ANKRD13D: variants seen among roughly 807,000 people sequenced by gnomAD.
ANKRD13D encodes the protein ankyrin repeat domain-containing protein 13D.
A neutral mutation model predicts 68.8 loss-of-function variants in ANKRD13D; 24 were observed. The ratio of observed to expected loss-of-function variants is 0.35; its 90% confidence interval spans 0.25 to 0.49. The LOEUF is 0.49. Among genes scored for constraint, ANKRD13D ranks in the 20% least tolerant of loss-of-function variants. The pLI is 0.99. For synonymous variants in ANKRD13D, 331 were observed against 336.1 expected, an observed-to-expected ratio of 0.98 and a Z score of 0.16; for missense variants, 735 against 832.1, an observed-to-expected ratio of 0.88 and a Z score of 1.44.
Position 67,292,167 on chromosome 11 carries a change from G to C in ANKRD13D, c.718G>C (p.Val240Leu), listed in dbSNP as rs1345783066. The change falls in exon 6 of 15, where the codon GTG becomes CTG. Residue 240 changes from valine (V) to leucine (L), a missense_variant. By Grantham distance (32) the Val-to-Leu change is conservative. Coordinates refer to ENST00000511455, the MANE Select transcript of ANKRD13D (RefSeq NM_207354.3). Reference protein sequence around the residue: ...IVSTHLDTRNVAFERNKCGIW... With the variant: ...IVSTHLDTRNLAFERNKCGIW... ...CTCCACCCACCTGGACACTCGTAAT[G>C]TGGCCTTTGAGAGGTCGGTCGGGTC... 1.3e-6 allele frequency: 2 copies of C among 1,593,186 alleles called. No individual in the cohort carries two copies. Among genetic ancestry groups the C allele is most frequent in the Non-Finnish European group, 1.7e-6 (2 of 1,164,116 alleles).
At chr11:67,290,550 C>T in intron 3 of ANKRD13D, 104 bp downstream of exon 3, 1 of 1,446,278 alleles carries the variant, frequency 6.9e-7, no homozygotes, top group Non-Finnish European at 9.2e-7. Flanking sequence ...GTGCAGTGTG[C>T]CTCCTGCCAC....
rs1171468950 is a variant in ANKRD13D at position 67,301,421 on chromosome 11, G to A, written c.1348+23G>A. ...CAGGTACCCCAACGGGAGGAAGAGG[G>A]AGCCTGCACAGCTTTCTGGTCACCA... On this transcript the variant is annotated intron_variant, in intron 12 of 14. Coordinates refer to ENST00000511455, the MANE Select transcript of ANKRD13D (RefSeq NM_207354.3). The surrounding 1 kb of genome is among the most constrained non-coding windows in gnomAD (Gnocchi z 4.5). 2.5e-6 allele frequency: 4 copies of A among 1,608,080 alleles called. No homozygotes were observed. The highest frequency in any genetic ancestry group is 3.4e-6 in the Non-Finnish European group (4 of 1,176,900).
At position 67,299,828 on chromosome 11, in the gene ANKRD13D, G is replaced by T. The variant is rs775224889; in HGVS notation, c.882G>T (p.Ala294=). The T allele has an allele frequency of 2.0e-6, 3 of 1,533,786 alleles. No homozygotes were observed. The highest frequency in any genetic ancestry group is 1.3e-5 in the South Asian group (1 of 78,670). ...CCAGCTCCCACCCCTTCTCCGTAGC[G>T]GGGAAGACTCCATTCCAGTCCTTCC... ...LSDQDKSRSK[A]GKTPFQSFLG... is the part of the protein sequence containing the mutation. Residue 294 remains alanine (A), a splice_region_variant and synonymous_variant, in exon 9 of 15, where the codon GCG becomes GCT. Transcript: ENST00000511455. This position sits in a 1 kb window ranked among gnomAD's most constrained non-coding sequence, Gnocchi z 6.2.
At position 67,291,694 on chromosome 11, in the gene ANKRD13D, C is replaced by T. The variant is rs760281463; in HGVS notation, c.489C>T (p.Phe163=). 25 of 1,613,994 alleles carry T rather than the reference C, an allele frequency of 1.5e-5. No homozygotes were observed. The Middle Eastern group carries it at 8.2e-4, about 53-fold the overall frequency. ...SLRVDTSLLG[F]EHMTWQRGRR... ...GAGTAGACACCAGTCTCCTGGGCTT[C>T]GAGCACATGACCTGGCAGCGGGGCC... Residue 163 remains phenylalanine (F), a synonymous_variant, in exon 5 of 15, where the codon TTC becomes TTT. Transcript: ENST00000511455.
rs745876616 is a variant in ANKRD13D at position 67,301,572 on chromosome 11, C to G, written c.1433C>G (p.Pro478Arg). The G allele has an allele frequency of 5.0e-6, 8 of 1,612,986 alleles. 1 individual carries two copies. The South Asian group carries it at 8.8e-5, about 18-fold the overall frequency. The change falls in exon 13 of 15, where the codon CCC (proline) becomes CGC (arginine). Residue 478 changes from proline to arginine, a missense_variant. Coordinates refer to ENST00000511455, the MANE Select transcript of ANKRD13D (RefSeq NM_207354.3). This position sits in a 1 kb window ranked among gnomAD's most constrained non-coding sequence, Gnocchi z 4.5. Reference protein sequence around the residue: ...YSVLGMERNEPLRDEDDDLLQ... With the variant: ...YSVLGMERNERLRDEDDDLLQ... ...GTGCTGGGCATGGAGCGCAACGAGCCCCTCCGGGACGAGGACGATGACCTC... is the reference window on the plus strand; with the variant it reads ...GTGCTGGGCATGGAGCGCAACGAGCGCCTCCGGGACGAGGACGATGACCTC...
rs1267274977 is a variant in ANKRD13D at position 67,290,327 on chromosome 11, C to T, written c.232C>T (p.Gln78Ter). 1 of 1,553,526 alleles carries T rather than the reference C, an allele frequency of 6.4e-7. No individual in the cohort carries two copies. ...KENRQGWAVL[Q>*]EAVSTGDPEM... ...CAGCAGCCTGGTGCCCGCAGTCCTG[C>T]AGGAGGCAGTCAGCACTGGAGACCC... The change falls in exon 3 of 15, where the codon CAG becomes TAG. Residue 78 changes from glutamine to a stop codon, truncating the protein, a stop_gained. Coordinates refer to ENST00000511455, the MANE Select transcript of ANKRD13D (RefSeq NM_207354.3). LOFTEE classifies it high-confidence loss of function.
At position 67,299,192 on chromosome 11, in the gene ANKRD13D, A is replaced by T; in HGVS notation, c.798+68A>T. On this transcript the variant is annotated intron_variant, in intron 7 of 14. Coordinates refer to ENST00000511455, the MANE Select transcript of ANKRD13D (RefSeq NM_207354.3). The surrounding 1 kb of genome is among the most constrained non-coding windows in gnomAD (Gnocchi z 6.2). ...GTCCAGGAACTCAGCTCCTCTCCACATCCATCCCAGAGTAGCCCCTGGGCT... is the reference window on the plus strand; with the variant it reads ...GTCCAGGAACTCAGCTCCTCTCCACTTCCATCCCAGAGTAGCCCCTGGGCT... The T allele has an allele frequency of 1.9e-6, 3 of 1,572,366 alleles. No individual in the cohort carries two copies. Among genetic ancestry groups the T allele is most frequent in the Non-Finnish European group, 2.6e-6 (3 of 1,146,424 alleles).
At position 67,302,280 on chromosome 11, in the gene ANKRD13D, A is replaced by T. The variant is rs761816425; in HGVS notation, c.1766A>T (p.Gln589Leu). 2 of 1,563,188 alleles carry T rather than the reference A, an allele frequency of 1.3e-6. No individual in the cohort carries two copies. Among genetic ancestry groups the T allele is most frequent in the Non-Finnish European group, 1.7e-6 (2 of 1,152,942 alleles). The stretch of plus-strand genomic sequence containing the variant: ...GAGGAGCGGGAGCGGCGCGGGCAGC[A>T]GGAGGAGGAGGACTTACAGCGGATC... ...EQEERERRGQ[Q>L]EEEDLQRILQ... Residue 589 changes from glutamine to leucine, a missense_variant, in exon 15 of 15, where the codon CAG becomes CTG. Transcript: ENST00000511455.
At chr11:67,290,036 C>T (rs927033452) in intron 1 of ANKRD13D, 42 bp from the exon 2 acceptor site, 41 of 1,522,058 alleles carry the variant, frequency 2.7e-5, no homozygotes, top group Non-Finnish European at 3.3e-5. Context: ...CCTGCCTTGC[C>T]CTCTTCTCTC....
rs181174249 is a variant in ANKRD13D, at chr11:67,299,780, G to A, written c.881-47G>A. The A allele has an allele frequency of 1.6e-4, 239 of 1,532,956 alleles. 1 individual carries two copies. Among genetic ancestry groups the A allele is most frequent in the Admixed American group, 5.7e-4 (28 of 49,256 alleles). 95.0% of individuals were successfully genotyped at this position (1,532,956 alleles called of 1,614,324 possible). On this transcript the variant is annotated intron_variant, in intron 8 of 14. Coordinates refer to ENST00000511455, the MANE Select transcript of ANKRD13D (RefSeq NM_207354.3). The surrounding 1 kb of genome is among the most constrained non-coding windows in gnomAD (Gnocchi z 6.2). ...TCCAGGGGTGGAGGTGGGCAGGGGC[G>A]ATGCGAGCATTGTGACCCCTTACCA... is the stretch of plus-strand genomic sequence containing the variant.
rs1183745933 is a variant in ANKRD13D, at chr11:67,289,506, G to A, written c.46G>A (p.Ala16Thr). The A allele has an allele frequency of 1.1e-5, 16 of 1,521,876 alleles. No individual in the cohort carries two copies. Among genetic ancestry groups the A allele is most frequent in the Admixed American group, 2.0e-5 (1 of 50,362 alleles). The allele number at this position is 1,521,876 out of a possible 1,614,324, so 94.3% of individuals were successfully genotyped here. ...PTFPLHRLVW[A>T]NRHRELEAAL... ...CTTCCCGCTGCACCGGCTCGTCTGGGCGAACCGGCATCGCGAACTGGAGGC... is the reference window on the plus strand; with the variant it reads ...CTTCCCGCTGCACCGGCTCGTCTGGACGAACCGGCATCGCGAACTGGAGGC... Residue 16 changes from alanine to threonine, a missense_variant, in exon 1 of 15, where the codon GCG becomes ACG. Coordinates refer to ENST00000511455, the MANE Select transcript of ANKRD13D (RefSeq NM_207354.3).
chr11:67,297,395 A>G (rs565469979), intron 6 of ANKRD13D, among the ~76,000 whole-genome samples: 1 of 152,142 alleles, frequency 6.6e-6, no homozygotes, highest in African/African-American at 2.4e-5. Context: ...GGGTTTCACC[A>G]TGTTGCACAG....
At chr11:67,290,506 G>C (rs891831267) in intron 3 of ANKRD13D, 60 bp downstream of exon 3, 39 of 1,505,804 alleles carry the variant, frequency 2.6e-5, no homozygotes, top group Non-Finnish European at 3.5e-5. Flanking sequence ...CCTGGTTACT[G>C]TGCCAGGCCT....
intron 3 of ANKRD13D, chr11:67,291,037 C>T (rs1045797747): frequency 2.9e-5 from 6 of 207,852 alleles, no homozygotes; most frequent in African/African-American, 9.5e-5. Context: ...AGTGGTTGGG[C>T]GTAGCTGAGC....
At chr11:67,291,333 G>A in intron 3 of ANKRD13D, 143 bp from the exon 4 acceptor site, 1 of 917,370 alleles carries the variant, frequency 1.1e-6, no homozygotes, top group Non-Finnish European at 1.6e-6. Context: ...ACTCCAGCCT[G>A]GGTGACAGAG....
In ANKRD13D at chr11:67,300,390, G is replaced by A. The variant is rs780992224; in HGVS notation, c.1073+267G>A. ...TTGAATTTCATGAGTACCTGCTGGG[G>A]CCAGCGTGGCACAGTGGGAAGGGCC... On this transcript the variant is annotated intron_variant, in intron 10 of 14. Coordinates refer to ENST00000511455, the MANE Select transcript of ANKRD13D (RefSeq NM_207354.3). This position sits in a 1 kb window ranked among gnomAD's most constrained non-coding sequence, Gnocchi z 4.3. The A allele has an allele frequency of 3.4e-5, 16 of 474,968 alleles. No individual in the cohort carries two copies. The highest frequency in any genetic ancestry group is 1.8e-4 in the Admixed American group (5 of 27,796). The allele number at this position is 474,968 out of a possible 1,614,324, so 29.4% of individuals were successfully genotyped here. A position where few individuals can be genotyped will look rare whatever the true frequency, so the allele number is the denominator to read the frequency against.
chr11:67,291,305 C>T, intron 3 of ANKRD13D, 171 bp from the exon 4 acceptor site: 1 of 710,186 alleles, frequency 1.4e-6, no homozygotes, highest in South Asian at 1.9e-5. Flanking sequence ...TTGCAGTGAG[C>T]CGAGATTGCA....
At chr11:67,292,311 G>T (rs1860592803) in intron 6 of ANKRD13D, 131 bp downstream of exon 6, 1 of 1,108,026 alleles carries the variant, frequency 9.0e-7, no homozygotes. Flanking sequence ...CTGCTCAGGG[G>T]CAGGTGGGTT....
Position 67,301,106 on chromosome 11 carries a change from T to G in ANKRD13D, c.1190T>G (p.Phe397Cys). Residue 397 changes from phenylalanine to cysteine, a missense_variant, in exon 11 of 15, where the codon TTC becomes TGC. Transcript: ENST00000511455. The surrounding 1 kb of genome is among the most constrained non-coding windows in gnomAD (Gnocchi z 4.5). The part of the protein sequence containing the change: ...SNAHFAKLRD[F>C]ITLRLPPGFP... ...GCTCACTTTGCCAAGCTGCGCGACT[T>G]CATCACTCTGCGCCTTCCACCTGGC... is the stretch of plus-strand genomic sequence containing the variant. 6.2e-7 allele frequency: 1 copy of G among 1,614,044 alleles called. No homozygotes were observed. Among genetic ancestry groups the G allele is most frequent in the Non-Finnish European group, 8.5e-7 (1 of 1,180,010 alleles).
Sources: allele counts gnomAD v4.1 joint callset (sites outside exome capture counted in the v4.1 genomes callset), GRCh38; gene constraint gnomAD v4.1.1; non-coding constraint Gnocchi (gnomAD v3.1); transcripts MANE v1.5; gene names NCBI Gene and HGNC (gene_info 2026-07-23, HGNC 2026-07-21).